The following USP31 variants were observed in gnomAD, a reference collection of about 807,000 sequenced individuals.
USP31 encodes the protein ubiquitin carboxyl-terminal hydrolase 31.
In USP31, 44 loss-of-function variants were observed where a neutral mutation model predicts 119.4. The ratio of observed to expected loss-of-function variants is 0.37; its 90% CI spans 0.29 to 0.47. The LOEUF (loss-of-function observed/expected upper bound fraction) is 0.47, where lower values mean the gene tolerates loss of function less well. Ranked by LOEUF, USP31 falls within the 20% of genes least tolerant of loss-of-function variation. USP31 has a pLI of 0.99. For missense variants in USP31, 1,643 were observed against 1,730.2 expected (o/e 0.95, Z 0.89); for synonymous variants, 749 against 705.6 (o/e 1.06, Z -0.97).
chr16:23,082,313 A>C (rs1900865893), intron 12 of USP31, 125 bp downstream of exon 12: 4 of 1,292,420 alleles, frequency 3.1e-6, no homozygotes, highest in Non-Finnish European at 4.3e-6. Flanking sequence ...TGTGTCTATA[A>C]CATACACAGA....
intron 1 of USP31, among the ~76,000 whole-genome samples, chr16:23,112,779 A>G (rs1187506576): frequency 6.6e-6 from 1 of 152,048 alleles, no homozygotes; most frequent in African/African-American, 2.4e-5. Flanking sequence ...CTGCGATCCC[A>G]GCACTTTGGG....
chr16:23,066,553 C>T lies in USP31; in HGVS notation c.*1493G>A, dbSNP rs976642190. The T allele has an allele frequency of 1.2e-4, 18 of 151,792 alleles. No homozygotes were observed. Among genetic ancestry groups the T allele is most frequent in the South Asian group, 4.2e-4 (2 of 4,802 alleles). 9.4% of individuals were successfully genotyped at this position (151,792 alleles called of 1,614,324 possible). A position where few individuals can be genotyped will look rare whatever the true frequency, so the allele number is the denominator to read the frequency against. On this transcript the variant is annotated 3_prime_UTR_variant, in exon 16 of 16. Coordinates refer to ENST00000219689, the MANE Select transcript of USP31 (RefSeq NM_020718.4). The stretch of plus-strand genomic sequence containing the variant: ...TTCAAGAAGAACTTGAAGAGTCTGA[C>T]GAAAAACGCTAATATTTAAAAGCAC...
rs868595753 is a variant in USP31, at chr16:23,068,837, G to C, written c.3268C>G (p.Pro1090Ala). The change falls in exon 16 of 16, where the codon CCT becomes GCT. Residue 1090 changes from proline (P) to alanine (A), a missense_variant. Pro to Ala is a conservative substitution (Grantham distance 27). This residue lies in a region of USP31 where 699 missense variants were observed against 650.9 expected (regional missense o/e 1.07). Transcript: ENST00000219689. ...SSRGSGRHSSPAPAQPKKESS... is the reference protein window; with the variant it reads ...SSRGSGRHSSAAPAQPKKESS... ...TCCTTTTTGGGTTGGGCAGGGGCAG[G>C]GGATGAATGCCGTCCACTGCCCCTG... The C allele has an allele frequency of 6.4e-7, 1 of 1,562,798 alleles. No homozygotes were observed. The highest frequency in any genetic ancestry group is 1.9e-5 in the Admixed American group (1 of 52,996).
intron 13 of USP31, among the ~76,000 whole-genome samples, chr16:23,078,628 A>G (rs577207503): frequency 1.8e-4 from 27 of 152,178 alleles, no homozygotes; most frequent in African/African-American, 6.3e-4. Context: ...TTTTTAAACC[A>G]TATCTGTACC....
chr16:23,113,301 C>A (rs576980883), intron 1 of USP31, among the ~76,000 whole-genome samples: 1 of 152,252 alleles, frequency 6.6e-6, no homozygotes, highest in African/African-American at 2.4e-5. Context: ...GAGATCCGAG[C>A]TGGAAATTTG....
Position 23,068,327 on chromosome 16 carries a change from T to C in USP31, c.3778A>G (p.Lys1260Glu). ...TCCCCGGTGTTCTTACAGACAGACTTAACAGAGCTCCCACCAGCCTTTTTA... is the reference window on the plus strand; with the variant it reads ...TCCCCGGTGTTCTTACAGACAGACTCAACAGAGCTCCCACCAGCCTTTTTA... Reference protein sequence around the residue: ...LSKKAGGSSVKSVCKNTGDDE... With the variant: ...LSKKAGGSSVESVCKNTGDDE... The change falls in exon 16 of 16, where the codon AAG becomes GAG. Residue 1260 changes from lysine to glutamate, a missense_variant. Physicochemically the swap from Lys to Glu is moderately conservative, Grantham distance 56 (BLOSUM62 1). Transcript: ENST00000219689. 6.2e-7 allele frequency: 1 copy of C among 1,614,136 alleles called. No homozygotes were observed. The highest frequency in any genetic ancestry group is 8.5e-7 in the Non-Finnish European group (1 of 1,179,996).
intron 15 of USP31, among the ~76,000 whole-genome samples, chr16:23,071,834 A>G (rs1900360054): frequency 2.0e-5 from 3 of 152,208 alleles, no homozygotes; most frequent in Admixed American, 2.0e-4. Context: ...GTGGAAGGAG[A>G]AAGTACTGGG....
chr16:23,070,369 T>G (rs1266007922), intron 15 of USP31, among the ~76,000 whole-genome samples: 1 of 152,180 alleles, frequency 6.6e-6, no homozygotes, highest in Non-Finnish European at 1.5e-5. Context: ...CTAAAAAGAC[T>G]TGGATATCAT....
chr16:23,120,788 G>A (rs886446600), intron 1 of USP31, among the ~76,000 whole-genome samples: 9 of 152,172 alleles, frequency 5.9e-5, no homozygotes, highest in Admixed American at 2.0e-4. Context: ...GCTCCTCTCC[G>A]AAGTGGAAGT....
chr16:23,129,323 T>C (rs1197432937), intron 1 of USP31, among the ~76,000 whole-genome samples: 3 of 152,198 alleles, frequency 2.0e-5, no homozygotes, highest in East Asian at 1.9e-4. Context: ...GTAGGAAATA[T>C]ATATGCACAG....
chr16:23,144,091 T>C (rs147432550), intron 1 of USP31, among the ~76,000 whole-genome samples: 85 of 152,218 alleles, frequency 5.6e-4, no homozygotes, highest in African/African-American at 1.9e-3. Context: ...ATCTAGCCCA[T>C]CCAAAACCAA....
At chr16:23,087,664 G>A (rs572728119) in intron 8 of USP31, 60 bp downstream of exon 8, 1 of 1,425,400 alleles carries the variant, frequency 7.0e-7, no homozygotes, top group Non-Finnish European at 9.8e-7. Context: ...TCATTGTAAT[G>A]TTTGTTTCTT....
chr16:23,084,827 T>A (rs780914194), intron 11 of USP31, 33 bp downstream of exon 11: 2 of 1,612,536 alleles, frequency 1.2e-6, no homozygotes, highest in African/African-American at 2.7e-5. Context: ...CCCACTGCCC[T>A]GAGCAACCAA....
At chr16:23,110,378 G>C (rs545476642) in intron 1 of USP31, among the ~76,000 whole-genome samples, 1 of 152,286 alleles carries the variant, frequency 6.6e-6, no homozygotes, top group East Asian at 1.9e-4. Flanking sequence ...TTAAGAGGCA[G>C]GGATTCAAGG....
rs376642734 is a variant in USP31, at chr16:23,069,264, G to A, written c.2841C>T (p.Gly947=). The A allele has an allele frequency of 8.7e-6, 14 of 1,613,450 alleles. No homozygotes were observed. The highest frequency in any genetic ancestry group is 5.3e-5 in the African/African-American group (4 of 74,934). ...GGGTGTCCGATTCGTCTTTGAACAC[G>A]CCTTCCATGACAGCCAGAGGGGCCC... is the stretch of plus-strand genomic sequence containing the variant. The part of the protein sequence containing the change: ...VGRAPLAVME[G]VFKDESDTRR... Residue 947 remains glycine (G), a synonymous_variant, in exon 16 of 16, where the codon GGC becomes GGT. Coordinates refer to ENST00000219689, the MANE Select transcript of USP31 (RefSeq NM_020718.4).
chr16:23,087,132 G>A lies in USP31; in HGVS notation c.1582C>T (p.Pro528Ser). Residue 528 changes from proline (P) to serine (S), a missense_variant, in exon 9 of 16, where the codon CCC becomes TCC. Around this residue, in one of 5 missense-constraint regions of USP31, gnomAD observed 219 missense variants for 226.4 expected, o/e 0.97. Transcript: ENST00000219689. ...TGGCACAAGGGCTGCTCCTCCTGGG[G>A]CAGCAAATATGTTATTCCAACAACA... ...VSVVGITYLL[P>S]QEEQPLCHPI... The A allele has an allele frequency of 6.2e-7, 1 of 1,613,638 alleles. No individual in the cohort carries two copies. Among genetic ancestry groups the A allele is most frequent in the Non-Finnish European group, 8.5e-7 (1 of 1,179,830 alleles).
chr16:23,133,813 T>C (rs1157702883), intron 1 of USP31, among the ~76,000 whole-genome samples: 1 of 152,218 alleles, frequency 6.6e-6, no homozygotes, highest in African/African-American at 2.4e-5. Context: ...CAGTGGCTCA[T>C]GCCTATAATC....
intron 12 of USP31, among the ~76,000 whole-genome samples, chr16:23,081,464 A>T (rs1187930955): frequency 6.6e-6 from 1 of 152,110 alleles, no homozygotes; most frequent in Non-Finnish European, 1.5e-5. Context: ...GACAGTCCTC[A>T]ACATCTCTCC....
At chr16:23,080,597 C>G (rs550662929) in intron 12 of USP31, among the ~76,000 whole-genome samples, 4 of 152,282 alleles carry the variant, frequency 2.6e-5, no homozygotes, top group African/African-American at 9.6e-5. Context: ...TGCCTGTTCC[C>G]CTCCACATCC....
Sources: gnomAD v4.1 joint callset for allele counts (sites outside exome capture counted in the v4.1 genomes callset) on GRCh38, gnomAD v4.1.1 for gene constraint, gnomAD v4.1.1 regional missense constraint, MANE v1.5 for transcripts, NCBI Gene and HGNC (gene_info 2026-07-23, HGNC 2026-07-21) for gene names.